ATG16L1: variants seen among roughly 807,000 people sequenced by gnomAD.
ATG16L1 encodes autophagy-related protein 16-1.
ATG16L1 carries 37 observed loss-of-function variants against 88.5 expected under a neutral mutation model. That is an observed-to-expected ratio of 0.42 (90% CI 0.32 to 0.55). The LOEUF (loss-of-function observed/expected upper bound fraction) is 0.55. Among genes scored for constraint, ATG16L1 ranks in the 20% least tolerant of loss-of-function variants. The probability of loss-of-function intolerance (pLI) is 0.13; values close to 1 mark genes in which losing one functional copy is unlikely to be tolerated. For synonymous variants in ATG16L1, 301 were observed against 281.0 expected, an observed-to-expected ratio of 1.07 and a Z score of -0.71; for missense variants, 554 against 752.8, an observed-to-expected ratio of 0.74 and a Z score of 3.09.
intron 12 of ATG16L1, among the ~76,000 whole-genome samples, chr2:233,283,633 C>T (rs1186578099): frequency 2.0e-5 from 3 of 151,872 alleles, no homozygotes; most frequent in African/African-American, 7.3e-5. Flanking sequence ...TCACTGCAAC[C>T]TCCGCCTTCT....
chr2:233,263,076 T>A, intron 2 of ATG16L1, 54 bp from the exon 3 acceptor site: 1 of 1,495,234 alleles, frequency 6.7e-7, no homozygotes, highest in Non-Finnish European at 9.3e-7. Flanking sequence ...GAGTCTCATT[T>A]TTCCCCCTCC....
chr2:233,290,891 G>C (rs6431262), intron 14 of ATG16L1, among the ~76,000 whole-genome samples: 1 of 152,020 alleles, frequency 6.6e-6, no homozygotes, highest in East Asian at 1.9e-4. Flanking sequence ...ATAAGCCATT[G>C]TCAAATCACT....
chr2:233,284,044 T>C (rs941038063), intron 12 of ATG16L1, among the ~76,000 whole-genome samples: 1 of 149,194 alleles, frequency 6.7e-6, no homozygotes, highest in African/African-American at 2.5e-5. Context: ...AGATGGGGTT[T>C]CACCATCTTG....
chr2:233,271,262 G>A (rs2125242976), intron 6 of ATG16L1, among the ~76,000 whole-genome samples: 1 of 152,270 alleles, frequency 6.6e-6, no homozygotes, highest in African/African-American at 2.4e-5. Context: ...GGCTGTAAAA[G>A]CCTGTTATTT....
chr2:233,290,150 G>A, intron 13 of ATG16L1, 98 bp from the exon 14 acceptor site: 2 of 1,506,630 alleles, frequency 1.3e-6, no homozygotes, highest in Middle Eastern at 3.4e-4. Flanking sequence ...TCATTTAAGT[G>A]AGTAACTCTG....
chr2:233,266,908 T>C (rs989512487), intron 5 of ATG16L1, among the ~76,000 whole-genome samples: 2 of 152,180 alleles, frequency 1.3e-5, no homozygotes, highest in African/African-American at 2.4e-5. Flanking sequence ...TGCTTCTACA[T>C]GTGGGGCTAA....
At chr2:233,254,736 T>C (rs1419234906) in intron 1 of ATG16L1, among the ~76,000 whole-genome samples, 1 of 152,226 alleles carries the variant, frequency 6.6e-6, no homozygotes, top group Non-Finnish European at 1.5e-5. Context: ...ATGTCCAGTT[T>C]GGCTAATTCG....
At chr2:233,270,273 A>G (rs2125240611) in intron 6 of ATG16L1, among the ~76,000 whole-genome samples, 1 of 152,306 alleles carries the variant, frequency 6.6e-6, no homozygotes, top group South Asian at 2.1e-4. Context: ...AAAATGTTAA[A>G]GGAAGAAAAT....
chr2:233,290,092 T>C, intron 13 of ATG16L1, 118 bp downstream of exon 13: 1 of 1,541,050 alleles, frequency 6.5e-7, no homozygotes. Flanking sequence ...TCTGGCTTCA[T>C]GTTTAGAGGG....
intron 12 of ATG16L1, chr2:233,288,676 G>A (rs986273618): frequency 2.0e-6 from 1 of 493,692 alleles, no homozygotes; most frequent in African/African-American, 1.9e-5. Flanking sequence ...ACTGCATAGA[G>A]GTCAATGATG....
intron 2 of ATG16L1, among the ~76,000 whole-genome samples, chr2:233,260,040 G>A (rs941945049): frequency 2.6e-5 from 4 of 152,152 alleles, no homozygotes; most frequent in African/African-American, 9.7e-5. Context: ...AGGGACATTT[G>A]CTAGAGAATG....
intron 5 of ATG16L1, among the ~76,000 whole-genome samples, 160 bp from the exon 6 acceptor site, chr2:233,269,842 A>T (rs1697862808): frequency 6.6e-6 from 1 of 152,188 alleles, no homozygotes; most frequent in Admixed American, 6.5e-5. Context: ...TACTGATGTT[A>T]TGAGTTTGGG....
chr2:233,251,726 A>AT lies in ATG16L1; in HGVS notation c.-100dup. The AT allele has an allele frequency of 1.9e-6, 2 of 1,043,722 alleles. No homozygotes were observed. Among genetic ancestry groups the AT allele is most frequent in the South Asian group, 2.7e-5 (2 of 73,366 alleles). 64.7% of individuals were successfully genotyped at this position (1,043,722 alleles called of 1,614,324 possible). A position where few individuals can be genotyped will look rare whatever the true frequency, so the allele number is the denominator to read the frequency against. ...CCAGTGTGTGGAGGTGAGCTCCGGG[A>AT]TTGCCGGCATTCCCGCTTCTGCTGG... On this transcript the variant is annotated 5_prime_UTR_variant, in exon 1 of 18. Coordinates refer to ENST00000392017, the MANE Select transcript of ATG16L1 (RefSeq NM_030803.7).
intron 1 of ATG16L1, among the ~76,000 whole-genome samples, chr2:233,253,351 T>G (rs909133488): frequency 1.4e-5 from 2 of 139,360 alleles, no homozygotes; most frequent in East Asian, 2.0e-4. Context: ...TTTTTTTTTT[T>G]TTTTTTTTTT....
intron 12 of ATG16L1, among the ~76,000 whole-genome samples, chr2:233,284,498 A>AT (rs1194537199): frequency 6.6e-6 from 1 of 151,824 alleles, no homozygotes; most frequent in East Asian, 1.9e-4. Context: ...CACCTGGCTA[A>AT]TTTTTTTGTA....
At position 233,284,001 on chromosome 2, in the gene ATG16L1, C is replaced by T. The variant is rs745616264; in HGVS notation, c.1203+1248C>T. On this transcript the variant is annotated intron_variant, in intron 12 of 17. Coordinates refer to ENST00000392017, the MANE Select transcript of ATG16L1 (RefSeq NM_030803.7). Reference sequence around the variant, plus strand: ...CTGGGATTACAGGCGCCCGCCACCACGCCCAGCTAATTTTTGTATTTTTTT... The same window carrying T: ...CTGGGATTACAGGCGCCCGCCACCATGCCCAGCTAATTTTTGTATTTTTTT... Among the ~76,000 whole-genome samples, 150 of 150,810 alleles carry T rather than the reference C, an allele frequency of 9.9e-4. 2 individuals are homozygous for T. In the Middle Eastern group the frequency reaches 0.011, roughly 11 times the overall value.
At chr2:233,280,271 A>G (rs970023914) in intron 10 of ATG16L1, among the ~76,000 whole-genome samples, 6 of 152,246 alleles carry the variant, frequency 3.9e-5, no homozygotes, top group Non-Finnish European at 7.3e-5. Flanking sequence ...TATGATTACA[A>G]TGGTTCCTTA....
At chr2:233,280,162 T>C (rs1275159241) in intron 10 of ATG16L1, among the ~76,000 whole-genome samples, 1 of 152,212 alleles carries the variant, frequency 6.6e-6, no homozygotes, top group African/African-American at 2.4e-5. Context: ...TCGTGTCACC[T>C]TGATATCTGG....
intron 2 of ATG16L1, among the ~76,000 whole-genome samples, chr2:233,261,633 G>GA (rs1365550196): frequency 1.3e-5 from 2 of 151,644 alleles, no homozygotes; most frequent in African/African-American, 4.8e-5. Flanking sequence ...GGGTCATATG[G>GA]AGGGGGCAGT....
Sources: gnomAD v4.1 joint callset for allele counts (sites outside exome capture counted in the v4.1 genomes callset) on GRCh38, gnomAD v4.1.1 for gene constraint, MANE v1.5 for transcripts, NCBI Gene and HGNC (gene_info 2026-07-23, HGNC 2026-07-21) for gene names.